Variants in CREM observed in about 807,000 individuals in gnomAD.
The protein encoded by CREM is cAMP responsive element modulator.
In CREM, 13 loss-of-function variants were observed where a neutral mutation model predicts 37.3. The ratio of observed to expected loss-of-function variants is 0.35; its 90% CI spans 0.23 to 0.55. The LOEUF is 0.55. Among genes scored for constraint, CREM ranks in the 20% least tolerant of loss-of-function variants. CREM has a pLI of 0.88. For missense variants in CREM, 296 were observed against 362.3 expected (o/e 0.82, Z 1.49); for synonymous variants, 124 against 120.2 (o/e 1.03, Z -0.21).
chr10:35,159,235 T>C lies in CREM; in HGVS notation c.168+10744T>C, dbSNP rs2093137134. 2.0e-5 allele frequency among the ~76,000 whole-genome samples: 3 copies of C among 151,988 alleles called. No individual in the cohort carries two copies. In the South Asian group the frequency reaches 6.2e-4, roughly 32 times the overall value. On this transcript the variant is annotated intron_variant, in intron 3 of 7. Coordinates refer to ENST00000685392, the MANE Select transcript of CREM (RefSeq NM_183011.2). ...ACTTGTTACATCTTATTACTTGGTGTATGATAATCATTTGAAAGTCAAGAC... is the reference window on the plus strand; with the variant it reads ...ACTTGTTACATCTTATTACTTGGTGCATGATAATCATTTGAAAGTCAAGAC...
At chr10:35,134,027 A>G (rs1413866458) in intron 1 of CREM, among the ~76,000 whole-genome samples, 1 of 151,220 alleles carries the variant, frequency 6.6e-6, no homozygotes, top group Non-Finnish European at 1.5e-5. Flanking sequence ...TAAGGTATTA[A>G]TTTAACCACA....
Position 35,155,709 on chromosome 10 carries a change from A to G in CREM, c.168+7218A>G, listed in dbSNP as rs539710416. Among the ~76,000 whole-genome samples, 113 of 151,264 alleles carry G rather than the reference A, an allele frequency of 7.5e-4. 1 individual carries two copies. Among genetic ancestry groups the G allele is most frequent in the African/African-American group, 2.6e-3 (105 of 41,102 alleles). On this transcript the variant is annotated intron_variant, in intron 3 of 7. Coordinates refer to ENST00000685392, the MANE Select transcript of CREM (RefSeq NM_183011.2). ...AGTGGCACAATGTCAGCTAACTGCA[A>G]CCTCCACCTCCCAGGTTCAAGTGAT...
intron 7 of CREM, chr10:35,209,257 TATCTC>T (rs1384523487): frequency 1.1e-6 from 1 of 934,218 alleles, no homozygotes; most frequent in African/African-American, 1.8e-5. Flanking sequence ...CTATAATCGA[TATCTC>T]ATTATATCGT....
chr10:35,186,899 AAATAT>A (rs1306284330), intron 5 of CREM, among the ~76,000 whole-genome samples: 5 of 86,524 alleles, frequency 5.8e-5, no homozygotes, highest in Admixed American at 1.9e-4. Context: ...ATAATTATAA[AAATAT>A]AATAATTATT....
intron 2 of CREM, among the ~76,000 whole-genome samples, chr10:35,144,136 C>T (rs2091790418): frequency 2.0e-5 from 3 of 152,166 alleles, no homozygotes; most frequent in Admixed American, 6.5e-5. Flanking sequence ...AACAGCAGCT[C>T]AACTGCTTTG....
At chr10:35,140,205 G>A (rs1035482311) in intron 2 of CREM, among the ~76,000 whole-genome samples, 1 of 152,122 alleles carries the variant, frequency 6.6e-6, no homozygotes, top group African/African-American at 2.4e-5. Context: ...CACCGTGCTA[G>A]GTACTCTGGC....
At chr10:35,158,820 TG>T (rs1353650568) in intron 3 of CREM, among the ~76,000 whole-genome samples, 833 of 81,722 alleles carry the variant, frequency 0.01, 18 homozygotes, top group African/African-American at 0.026. Flanking sequence ...TTGTTTTGTT[TG>T]TTTTTTTTTT....
Position 35,207,066 on chromosome 10 carries a change from A to C in CREM, c.755+15A>C. The C allele has an allele frequency of 6.2e-7, 1 of 1,607,682 alleles. No individual in the cohort carries two copies. The highest frequency in any genetic ancestry group is 8.5e-7 in the Non-Finnish European group (1 of 1,176,130). On this transcript the variant is annotated intron_variant, in intron 7 of 7. Transcript: ENST00000685392. ...ATGAAAAACAGGTGAGGTGTTGCAC[A>C]GGGAATCGGTAACTTCTAGGACACT...
intron 6 of CREM, among the ~76,000 whole-genome samples, chr10:35,200,073 G>C (rs1047975980): frequency 2.6e-5 from 4 of 151,782 alleles, no homozygotes; most frequent in African/African-American, 9.7e-5. Context: ...ATTTTTAGTA[G>C]AGACAGGGTT....
At position 35,207,057 on chromosome 10, in the gene CREM, G is replaced by GT; in HGVS notation, c.755+7dup. 6.2e-7 allele frequency: 1 copy of GT among 1,607,870 alleles called. No individual in the cohort carries two copies. The highest frequency in any genetic ancestry group is 8.5e-7 in the Non-Finnish European group (1 of 1,176,966). On this transcript the variant is annotated splice_region_variant and intron_variant, in intron 7 of 7. Coordinates refer to ENST00000685392, the MANE Select transcript of CREM (RefSeq NM_183011.2). ...CTGAGGCTAATGAAAAACAGGTGAGGTGTTGCACAGGGAATCGGTAACTTC... is the reference window on the plus strand; with the variant it reads ...CTGAGGCTAATGAAAAACAGGTGAGGTTGTTGCACAGGGAATCGGTAACTTC...
At chr10:35,210,672 TAAAAATG>T (rs1023642094) in intron 7 of CREM, 2 of 152,232 alleles carry the variant, frequency 1.3e-5, no homozygotes, top group African/African-American at 4.8e-5. Context: ...TTTCGGTTTA[TAAAAATG>T]CACATCTTTT....
At chr10:35,185,861 T>C (rs963397900) in intron 5 of CREM, among the ~76,000 whole-genome samples, 2 of 152,232 alleles carry the variant, frequency 1.3e-5, no homozygotes, top group African/African-American at 4.8e-5. Context: ...TGTGGAAGTC[T>C]TTTTAAAAAT....
intron 3 of CREM, chr10:35,167,767 A>G: frequency 6.2e-7 from 1 of 1,614,190 alleles, no homozygotes; most frequent in South Asian, 1.1e-5. Flanking sequence ...GGCGTCCTAT[A>G]GAAGAGGATT....
At position 35,206,886 on chromosome 10, in the gene CREM, T is replaced by G; in HGVS notation, c.599-9T>G. 6.2e-7 allele frequency: 1 copy of G among 1,613,022 alleles called. No individual in the cohort carries two copies. Among genetic ancestry groups the G allele is most frequent in the Non-Finnish European group, 8.5e-7 (1 of 1,179,766 alleles). ...TTATATAAGCTCAAAATATTTTGTT[T>G]TACTGCAGCTGCCACTGGTGACATG... On this transcript the variant is annotated splice_polypyrimidine_tract_variant and intron_variant, in intron 6 of 7. Transcript: ENST00000685392.
At chr10:35,149,045 G>A (rs1228224789) in intron 3 of CREM, among the ~76,000 whole-genome samples, 2 of 152,106 alleles carry the variant, frequency 1.3e-5, no homozygotes, top group Admixed American at 1.3e-4. Flanking sequence ...TAATTATTCC[G>A]GATGCATGTG....
rs765312444 is a variant in CREM at position 35,206,953 on chromosome 10, G to C, written c.657G>C (p.Gln219His). Residue 219 changes from glutamine to histidine, a missense_variant, in exon 7 of 8, where the codon CAG becomes CAC. Coordinates refer to ENST00000685392, the MANE Select transcript of CREM (RefSeq NM_183011.2). Reference sequence around the variant, plus strand: ...GAGCTCCTACTGCTGCTTTGCCACAGGGAGTGGTGATGGCTGCATCGCCCG... The same window carrying C: ...GAGCTCCTACTGCTGCTTTGCCACACGGAGTGGTGATGGCTGCATCGCCCG... ...QIRAPTAALP[Q>H]GVVMAASPGS... The C allele has an allele frequency of 6.2e-7, 1 of 1,614,050 alleles. No homozygotes were observed. The highest frequency in any genetic ancestry group is 8.5e-7 in the Non-Finnish European group (1 of 1,180,032).
chr10:35,194,280 G>A (rs2095055616), intron 6 of CREM, among the ~76,000 whole-genome samples: 1 of 151,514 alleles, frequency 6.6e-6, no homozygotes, highest in African/African-American at 2.4e-5. Flanking sequence ...AGCTCTCTAT[G>A]TGCCAAGCCT....
At chr10:35,187,864 A>G (rs894073678) in intron 5 of CREM, among the ~76,000 whole-genome samples, 3 of 152,168 alleles carry the variant, frequency 2.0e-5, no homozygotes, top group African/African-American at 4.8e-5. Context: ...ATCTGAGAGA[A>G]TGGAGAAAAC....
At chr10:35,200,253 T>A (rs991561367) in intron 6 of CREM, among the ~76,000 whole-genome samples, 2 of 152,230 alleles carry the variant, frequency 1.3e-5, no homozygotes, top group Non-Finnish European at 2.9e-5. Flanking sequence ...TTTGCTATTA[T>A]ATGGAACATT....
Sources: allele counts gnomAD v4.1 joint callset (sites outside exome capture counted in the v4.1 genomes callset), GRCh38; gene constraint gnomAD v4.1.1; transcripts MANE v1.5; gene names NCBI Gene and HGNC (gene_info 2026-07-23, HGNC 2026-07-21).